PLA2G2E: variants seen among roughly 807,000 people sequenced by gnomAD.
PLA2G2E encodes the protein phospholipase A2 group IIE.
Under a neutral mutation model 16.5 loss-of-function variants are expected in PLA2G2E, and 14 were observed. The ratio of observed to expected loss-of-function variants is 0.85; its 90% CI spans 0.56 to 1.33. PLA2G2E has a LOEUF of 1.33. Among genes scored for constraint, PLA2G2E ranks in the 40% most tolerant of loss-of-function variants. The pLI is 0.00. For missense variants in PLA2G2E, 174 were observed against 190.7 expected, an observed-to-expected ratio of 0.91 and a Z score of 0.52; for synonymous variants, 72 against 77.2, an observed-to-expected ratio of 0.93 and a Z score of 0.36.
intron 3 of PLA2G2E, 57 bp downstream of exon 3, chr1:19,922,241 C>A: frequency 8.0e-7 from 1 of 1,246,308 alleles, no homozygotes. Flanking sequence ...CTGTCTTAAG[C>A]TGCCTCCACC....
Position 19,922,727 on chromosome 1 carries a change from C to T in PLA2G2E, c.69G>A (p.Gln23=). Residue 23 remains glutamine, a synonymous_variant, in exon 2 of 4, where the codon CAG becomes CAA. Coordinates refer to ENST00000375116, the MANE Select transcript of PLA2G2E (RefSeq NM_014589.3). ...TCATCTTCTCGATCATCACCCCAAA[C>T]TGAACCAGGTTCCCGGTGACCAGAG... The part of the protein sequence containing the change: ...LVALVTGNLV[Q]FGVMIEKMTG... The T allele has an allele frequency of 1.2e-6, 2 of 1,613,896 alleles. No homozygotes were observed. The highest frequency in any genetic ancestry group is 1.7e-6 in the Non-Finnish European group (2 of 1,179,966).
At chr1:19,922,232 T>G (rs1197753131) in intron 3 of PLA2G2E, 66 bp downstream of exon 3, 6 of 1,121,948 alleles carry the variant, frequency 5.3e-6, no homozygotes, top group Non-Finnish European at 1.3e-6. Context: ...AGGGGCTTCC[T>G]GTCTTAAGCT....
intron 1 of PLA2G2E, 50 bp downstream of exon 1, chr1:19,923,470 T>G: frequency 1.0e-5 from 15 of 1,495,588 alleles, no homozygotes; most frequent in Non-Finnish European, 1.4e-5. Context: ...TCCAGGGAGC[T>G]TGGGGTTGCC....
rs2045804535 is a variant in PLA2G2E at position 19,920,350 on chromosome 1, T to G, written c.386A>C (p.His129Pro). The G allele has an allele frequency of 6.2e-7, 1 of 1,613,478 alleles. No individual in the cohort carries two copies. Among genetic ancestry groups the G allele is most frequent in the Non-Finnish European group, 8.5e-7 (1 of 1,179,858 alleles). The change falls in exon 4 of 4, where the codon CAT becomes CCT. Residue 129 changes from histidine (H) to proline (P), a missense_variant. Transcript: ENST00000375116. This position sits in a 1 kb window ranked among gnomAD's most constrained non-coding sequence, Gnocchi z 4.3. ...CCCGGTGCACAGCTTGTTGGGATAA[T>G]GGGCATATTTGCGGTTGTAGGTGCC... ...NLGTYNRKYA[H>P]YPNKLCTGPT...
intron 1 of PLA2G2E, among the ~76,000 whole-genome samples, chr1:19,923,101 T>A (rs2045830633): frequency 6.6e-6 from 1 of 151,876 alleles, no homozygotes; most frequent in African/African-American, 2.4e-5. Context: ...CCAGGAACAC[T>A]CTGTCCCCCC....
At chr1:19,921,597 C>T (rs910042514) in intron 3 of PLA2G2E, among the ~76,000 whole-genome samples, 4 of 152,218 alleles carry the variant, frequency 2.6e-5, no homozygotes, top group Non-Finnish European at 5.9e-5. Flanking sequence ...AGCTCTGCCC[C>T]GCCGCCAGGA....
chr1:19,920,530 T>G lies in PLA2G2E; in HGVS notation c.287-81A>C. The G allele has an allele frequency of 6.9e-7, 1 of 1,443,362 alleles. No individual in the cohort carries two copies. The highest frequency in any genetic ancestry group is 9.5e-7 in the Non-Finnish European group (1 of 1,055,468). The allele number at this position is 1,443,362 out of a possible 1,614,324, so 89.4% of individuals were successfully genotyped here. ...GCTCTTGGCTGCTTCTGGGTCCACG[T>G]TCTTGACCTGGACCAACTCCATTCT... is the stretch of plus-strand genomic sequence containing the variant. On this transcript the variant is annotated intron_variant, in intron 3 of 3. Coordinates refer to ENST00000375116, the MANE Select transcript of PLA2G2E (RefSeq NM_014589.3). The surrounding 1 kb of genome is among the most constrained non-coding windows in gnomAD (Gnocchi z 4.3).
At position 19,922,711 on chromosome 1, in the gene PLA2G2E, C is replaced by G. The variant is rs775498456; in HGVS notation, c.85G>C (p.Glu29Gln). The G allele has an allele frequency of 1.9e-6, 3 of 1,613,806 alleles. No homozygotes were observed. Among genetic ancestry groups the G allele is most frequent in the Admixed American group, 3.3e-5 (2 of 59,982 alleles). The change falls in exon 2 of 4, where the codon GAG (glutamate) becomes CAG (glutamine). Residue 29 changes from glutamate (E) to glutamine (Q), a missense_variant. Physicochemically the swap from Glu to Gln is conservative, Grantham distance 29. Transcript: ENST00000375116. ...GNLVQFGVMIEKMTGKSALQY... is the reference protein window; with the variant it reads ...GNLVQFGVMIQKMTGKSALQY... ...AGGGCGGACTTGCCTGTCATCTTCT[C>G]GATCATCACCCCAAACTGAACCAGG...
rs186713746 is a variant in PLA2G2E, at chr1:19,921,850, T to C, written c.286+448A>G. Among the ~76,000 whole-genome samples, 4 of 152,316 alleles carry C rather than the reference T, an allele frequency of 2.6e-5. No individual in the cohort carries two copies. In the East Asian group the frequency reaches 7.7e-4, roughly 29 times the overall value. ...GACATGGCACAGCTGAGCAAATGGGTCCAGCCTGACAGTCCCATTGAGGAG... is the reference window on the plus strand; with the variant it reads ...GACATGGCACAGCTGAGCAAATGGGCCCAGCCTGACAGTCCCATTGAGGAG... On this transcript the variant is annotated intron_variant, in intron 3 of 3. Transcript: ENST00000375116.
At position 19,920,192 on chromosome 1, in the gene PLA2G2E, T is replaced by A. The variant is rs570765468; in HGVS notation, c.*115A>T. The A allele has an allele frequency of 1.2e-6, 1 of 855,934 alleles. No individual in the cohort carries two copies. The highest frequency in any genetic ancestry group is 2.6e-5 in the East Asian group (1 of 37,946). The allele number at this position is 855,934 out of a possible 1,614,324, so 53.0% of individuals were successfully genotyped here. ...TCTGAGCTCTCAAGGAGGGATGAGT[T>A]TGCAGGAAAGGAATTTTCCAAAGGG... On this transcript the variant is annotated 3_prime_UTR_variant, in exon 4 of 4. Transcript: ENST00000375116. This position sits in a 1 kb window ranked among gnomAD's most constrained non-coding sequence, Gnocchi z 4.3.
chr1:19,921,262 C>T (rs968646844), intron 3 of PLA2G2E, among the ~76,000 whole-genome samples: 1 of 152,224 alleles, frequency 6.6e-6, no homozygotes, highest in Non-Finnish European at 1.5e-5. Flanking sequence ...TTGGAAGGGA[C>T]TCTTAACGCC....
chr1:19,920,415 C>T lies in PLA2G2E; in HGVS notation c.321G>A (p.Glu107=). The change falls in exon 4 of 4, where the codon GAG becomes GAA. Residue 107 remains glutamate (E), a synonymous_variant. Coordinates refer to ENST00000375116, the MANE Select transcript of PLA2G2E (RefSeq NM_014589.3). The surrounding 1 kb of genome is among the most constrained non-coding windows in gnomAD (Gnocchi z 4.3). ...AGCAGAGGGCAGCCCTCTTGTCACACTCGCAGGTCAGCCGCTGGCAGGTGG... is the reference window on the plus strand; with the variant it reads ...AGCAGAGGGCAGCCCTCTTGTCACATTCGCAGGTCAGCCGCTGGCAGGTGG... ...GRTTCQRLTC[E]CDKRAALCFR... The T allele has an allele frequency of 6.2e-7, 1 of 1,613,910 alleles. No homozygotes were observed. The highest frequency in any genetic ancestry group is 8.5e-7 in the Non-Finnish European group (1 of 1,179,836).
Position 19,922,666 on chromosome 1 carries a change from A to T in PLA2G2E, c.130T>A (p.Cys44Ser). Residue 44 changes from cysteine to serine, a missense_variant, in exon 2 of 4, where the codon TGT (cysteine) becomes AGT (serine). Physicochemically the swap from Cys to Ser is moderately radical, Grantham distance 112. Coordinates refer to ENST00000375116, the MANE Select transcript of PLA2G2E (RefSeq NM_014589.3). The stretch of plus-strand genomic sequence containing the variant: ...TGGGAGCCACCGATGCCGCAGTAAC[A>T]GCCATAGTCGTTGTACTGCAGGGCG... ...KSALQYNDYG[C>S]YCGIGGSHWP... 1.2e-6 allele frequency: 2 copies of T among 1,614,008 alleles called. No individual in the cohort carries two copies. Among genetic ancestry groups the T allele is most frequent in the South Asian group, 2.2e-5 (2 of 91,074 alleles).
Position 19,922,688 on chromosome 1 carries a change from G to C in PLA2G2E, c.108C>G (p.Ala36=), listed in dbSNP as rs769526597. Residue 36 remains alanine, a synonymous_variant, in exon 2 of 4, where the codon GCC becomes GCG. Coordinates refer to ENST00000375116, the MANE Select transcript of PLA2G2E (RefSeq NM_014589.3). ...VMIEKMTGKS[A]LQYNDYGCYC... is the part of the protein sequence containing the mutation. ...AACAGCCATAGTCGTTGTACTGCAG[G>C]GCGGACTTGCCTGTCATCTTCTCGA... The C allele has an allele frequency of 6.2e-7, 1 of 1,614,042 alleles. No individual in the cohort carries two copies. Among genetic ancestry groups the C allele is most frequent in the Admixed American group, 1.7e-5 (1 of 60,012 alleles).
In PLA2G2E at chr1:19,920,844, C is replaced by T. The variant is rs576012276; in HGVS notation, c.287-395G>A. Among the ~76,000 whole-genome samples the T allele has an allele frequency of 3.3e-5, 5 of 152,296 alleles. No homozygotes were observed. In the South Asian group the frequency reaches 8.3e-4, roughly 25 times the overall value. The stretch of plus-strand genomic sequence containing the variant: ...GGCCATCAAGCAGAGAGGACAGCTA[C>T]GAAATGACAGCAACTCAATCTGATG... On this transcript the variant is annotated intron_variant, in intron 3 of 3. Coordinates refer to ENST00000375116, the MANE Select transcript of PLA2G2E (RefSeq NM_014589.3). The surrounding 1 kb of genome is among the most constrained non-coding windows in gnomAD (Gnocchi z 4.3).
intron 1 of PLA2G2E, among the ~76,000 whole-genome samples, chr1:19,923,166 C>A (rs995855712): frequency 1.3e-5 from 2 of 152,238 alleles, no homozygotes; most frequent in African/African-American, 4.8e-5. Context: ...CTGACCTCCC[C>A]AAATTCTTCC....
intron 2 of PLA2G2E, 43 bp from the exon 3 acceptor site, chr1:19,922,447 C>T: frequency 6.3e-7 from 1 of 1,586,668 alleles, no homozygotes; most frequent in East Asian, 2.2e-5. Flanking sequence ...GTGAGCCAGG[C>T]TGGGCTGGAC....
intron 2 of PLA2G2E, 78 bp downstream of exon 2, chr1:19,922,539 C>T: frequency 6.3e-7 from 1 of 1,583,030 alleles, no homozygotes. Context: ...CCAGGCTTCC[C>T]TCCTTCTCCC....
At chr1:19,922,789 G>GCCCCACCT (rs2045827006) in intron 1 of PLA2G2E, 34 bp from the exon 2 acceptor site, 2 of 1,610,846 alleles carry the variant, frequency 1.2e-6, no homozygotes, top group Non-Finnish European at 1.7e-6. Context: ...GAGAGGGAGG[G>GCCCCACCT]CCCCACCCTC....
Sources: gnomAD v4.1 joint callset for allele counts (sites outside exome capture counted in the v4.1 genomes callset) on GRCh38, gnomAD v4.1.1 for gene constraint, Gnocchi (gnomAD v3.1) non-coding constraint, MANE v1.5 for transcripts, NCBI Gene and HGNC (gene_info 2026-07-23, HGNC 2026-07-21) for gene names.